The following TNIP3 variants were observed in gnomAD, a reference collection of about 807,000 sequenced individuals.
The protein encoded by TNIP3 is TNFAIP3-interacting protein 3.
A neutral mutation model predicts 54.1 loss-of-function variants in TNIP3; 34 were observed. The ratio of observed to expected loss-of-function variants is 0.63; its 90% CI spans 0.48 to 0.84. The LOEUF is 0.84. Ranked by LOEUF, TNIP3 falls within the 40% of genes least tolerant of loss-of-function variation. The pLI, the probability that TNIP3 is intolerant of heterozygous loss-of-function variation, is 0.00. For missense variants in TNIP3, 366 were observed against 387.6 expected (o/e 0.94, Z 0.47); for synonymous variants, 134 against 136.8 (o/e 0.98, Z 0.14).
upstream of TNIP3, among the ~76,000 whole-genome samples, chr4:121,220,950 G>A (rs1201835321): frequency 6.6e-6 from 1 of 152,122 alleles, no homozygotes; most frequent in Non-Finnish European, 1.5e-5. Context: ...GGTGGTAGGG[G>A]CTGTGGTGAG....
chr4:121,180,938 C>T (rs1222508884), intron 3 of TNIP3, among the ~76,000 whole-genome samples: 1 of 152,140 alleles, frequency 6.6e-6, no homozygotes, highest in East Asian at 1.9e-4. Context: ...TCATACTTCA[C>T]AAAGAAAATA....
At chr4:121,174,472 A>C (rs897608328) in intron 3 of TNIP3, among the ~76,000 whole-genome samples, 13 of 152,114 alleles carry the variant, frequency 8.5e-5, no homozygotes, top group Non-Finnish European at 1.8e-4. Context: ...AAGATGATGT[A>C]GGTATATGGA....
At chr4:121,220,128 T>A (rs1726969170), upstream of TNIP3, among the ~76,000 whole-genome samples, 1 of 152,202 alleles carries the variant, frequency 6.6e-6, no homozygotes, top group African/African-American at 2.4e-5. Context: ...GTACTTATAT[T>A]AATTTTTTAG....
At chr4:121,195,475 T>C (rs1044400014) in intron 2 of TNIP3, among the ~76,000 whole-genome samples, 2 of 152,134 alleles carry the variant, frequency 1.3e-5, no homozygotes, top group Non-Finnish European at 2.9e-5. Flanking sequence ...TTATAGAGAG[T>C]GGACCATTTT....
chr4:121,160,964 C>T (rs1055243218), intron 2 of TNIP3, among the ~76,000 whole-genome samples, 172 bp downstream of exon 2: 4 of 152,114 alleles, frequency 2.6e-5, no homozygotes, highest in African/African-American at 9.7e-5. Context: ...AAGTATGAAA[C>T]ATACAGGTGA....
At chr4:121,178,809 G>T (rs1724513718) in intron 3 of TNIP3, among the ~76,000 whole-genome samples, 2 of 152,088 alleles carry the variant, frequency 1.3e-5, no homozygotes, top group South Asian at 4.1e-4. Flanking sequence ...TTGCTTTCTA[G>T]AAAATTCTAT....
intron 3 of TNIP3, among the ~76,000 whole-genome samples, chr4:121,176,908 C>T (rs953066930): frequency 6.6e-6 from 1 of 152,052 alleles, no homozygotes; most frequent in Non-Finnish European, 1.5e-5. Flanking sequence ...GGAGTTCCTC[C>T]CTTAACTTGT....
At position 121,150,159 on chromosome 4, in the gene TNIP3, G is replaced by A. The variant is rs1729659661; in HGVS notation, c.553C>T (p.Arg185Ter). 5 of 1,613,546 alleles carry A rather than the reference G, an allele frequency of 3.1e-6. No homozygotes were observed. Among genetic ancestry groups the A allele is most frequent in the Non-Finnish European group, 4.2e-6 (5 of 1,179,858 alleles). ...ATCTCCTCATGGCAGAATTCCACTC[G>A]AGACTTCCTCAAACAGTCCTCGGAA... ...SFSEDCLRKS[R>*]VEFCHEEMRT... Residue 185 changes from arginine to a stop codon, truncating the protein, a stop_gained, in exon 6 of 11, where the codon CGA becomes TGA. Transcript: ENST00000057513. LOFTEE classifies it high-confidence loss of function.
At chr4:121,209,070 G>T (rs1288941880) in intron 2 of TNIP3, among the ~76,000 whole-genome samples, 1 of 152,196 alleles carries the variant, frequency 6.6e-6, no homozygotes, top group African/African-American at 2.4e-5. Flanking sequence ...AAATACTCTT[G>T]AGCAAGGAGA....
upstream of TNIP3, among the ~76,000 whole-genome samples, chr4:121,220,877 C>T (rs553595943): frequency 1.3e-5 from 2 of 151,970 alleles, no homozygotes; most frequent in African/African-American, 4.8e-5. Context: ...AAGAGCAATA[C>T]GTTCAGTCAA....
intron 2 of TNIP3, among the ~76,000 whole-genome samples, chr4:121,212,000 C>T (rs1265874372): frequency 6.6e-6 from 1 of 152,178 alleles, no homozygotes; most frequent in Admixed American, 6.5e-5. Flanking sequence ...GGTACCAGTA[C>T]TTCCCAGAAA....
chr4:121,173,753 C>T (rs532550673), intron 3 of TNIP3, among the ~76,000 whole-genome samples: 14 of 152,230 alleles, frequency 9.2e-5, no homozygotes, highest in African/African-American at 2.4e-4. Flanking sequence ...CTCAGCTTCC[C>T]GAGCAGCTGG....
intron 8 of TNIP3, among the ~76,000 whole-genome samples, chr4:121,142,500 T>C (rs1241909537): frequency 1.3e-5 from 2 of 152,238 alleles, no homozygotes; most frequent in Non-Finnish European, 2.9e-5. Flanking sequence ...CTAAGACTTG[T>C]GCTACTGGTA....
chr4:121,194,746 C>T (rs1725473680), intron 2 of TNIP3, among the ~76,000 whole-genome samples: 1 of 152,120 alleles, frequency 6.6e-6, no homozygotes, highest in African/African-American at 2.4e-5. Context: ...ATTTCACCTC[C>T]CTGTGGACTT....
At chr4:121,158,808 T>C (rs1730268953) in intron 2 of TNIP3, 56 bp from the exon 3 acceptor site, 1 of 1,420,436 alleles carries the variant, frequency 7.0e-7, no homozygotes, top group Admixed American at 2.0e-5. Context: ...TTTGGAAGTT[T>C]GGTCAAAAAG....
At chr4:121,206,454 A>C (rs1003867553) in intron 2 of TNIP3, among the ~76,000 whole-genome samples, 4 of 152,234 alleles carry the variant, frequency 2.6e-5, no homozygotes, top group Non-Finnish European at 5.9e-5. Context: ...CATTATGCTC[A>C]CATGAATTTT....
chr4:121,216,456 A>G, exon 2 of TNIP3: 1 of 1,535,904 alleles, frequency 6.5e-7, no homozygotes, highest in Non-Finnish European at 8.7e-7. Flanking sequence ...TTACCAGTTT[A>G]TCGTCGTGTT....
intron 2 of TNIP3, among the ~76,000 whole-genome samples, chr4:121,186,297 G>A (rs1452938463): frequency 6.6e-6 from 1 of 152,196 alleles, no homozygotes; most frequent in African/African-American, 2.4e-5. Flanking sequence ...GATACGTTTT[G>A]AGCACTCAGG....
intron 8 of TNIP3, 39 bp downstream of exon 8, chr4:121,142,687 A>G (rs1729192504): frequency 3.2e-6 from 5 of 1,551,068 alleles, no homozygotes; most frequent in South Asian, 2.3e-5. Flanking sequence ...AATGCTGTAC[A>G]TGGGAATAAA....
Sources: gnomAD v4.1 joint callset for allele counts (sites outside exome capture counted in the v4.1 genomes callset) on GRCh38, gnomAD v4.1.1 for gene constraint, MANE v1.5 for transcripts, NCBI Gene and HGNC (gene_info 2026-07-23, HGNC 2026-07-21) for gene names.